CCDC183: variants seen among roughly 807,000 people sequenced by gnomAD.
The protein encoded by CCDC183 is coiled-coil domain-containing protein 183.
A neutral mutation model predicts 65.2 loss-of-function variants in CCDC183; 63 were observed. That is an observed-to-expected ratio of 0.97 (90% CI 0.79 to 1.19). The LOEUF (loss-of-function observed/expected upper bound fraction) is 1.19. Among genes scored for constraint, CCDC183 ranks in the 50% most tolerant of loss-of-function variants. The pLI is 0.00. For synonymous variants in CCDC183, 323 were observed against 276.5 expected (o/e 1.17, Z -1.67); for missense variants, 769 against 689.3 (o/e 1.12, Z -1.30).
rs772813627 is a variant in CCDC183 at position 136,804,675 on chromosome 9, T to G, written c.792+48T>G. The G allele has an allele frequency of 6.2e-7, 1 of 1,612,824 alleles. No individual in the cohort carries two copies. Among genetic ancestry groups the G allele is most frequent in the Non-Finnish European group, 8.5e-7 (1 of 1,179,440 alleles). On this transcript the variant is annotated intron_variant, in intron 7 of 13. Transcript: ENST00000338005. This position sits in a 1 kb window ranked among gnomAD's most constrained non-coding sequence, Gnocchi z 4.1. ...GCTGGCTGCCCATCCCCATGACAGC[T>G]GGGTGGACACAGGCTCAGGGCCACC... is the stretch of plus-strand genomic sequence containing the variant.
In CCDC183 at chr9:136,804,519, G is replaced by A. The variant is rs776874222; in HGVS notation, c.684G>A (p.Arg228=). 6 of 1,613,102 alleles carry A rather than the reference G, an allele frequency of 3.7e-6. No individual in the cohort carries two copies. In the East Asian group the frequency reaches 1.1e-4, roughly 30 times the overall value. The change falls in exon 7 of 14, where the codon AGG becomes AGA. Residue 228 remains arginine, a synonymous_variant. Transcript: ENST00000338005. The surrounding 1 kb of genome is among the most constrained non-coding windows in gnomAD (Gnocchi z 4.1). The part of the protein sequence containing the change: ...TDEVKRNMRQ[R]EASFIEERRA... ...GTCCCCAGAGGAACATGAGGCAAAG[G>A]GAGGCGTCCTTCATCGAGGAGCGCC...
At chr9:136,807,481 C>G in intron 13 of CCDC183, 91 bp from the exon 14 acceptor site, 3 of 1,440,142 alleles carry the variant, frequency 2.1e-6, no homozygotes, top group African/African-American at 1.4e-5. Flanking sequence ...GCACCTGGCC[C>G]GGGTCGGTGG....
At chr9:136,807,224 T>A in intron 13 of CCDC183, 158 bp downstream of exon 13, 1 of 673,104 alleles carries the variant, frequency 1.5e-6, no homozygotes, top group Non-Finnish European at 2.5e-6. Context: ...GGAGGTGACT[T>A]AGTGATGCCA....
chr9:136,805,426 T>C lies in CCDC183; in HGVS notation c.917T>C (p.Val306Ala), dbSNP rs774379290. 81 of 1,613,792 alleles carry C rather than the reference T, an allele frequency of 5.0e-5. No homozygotes were observed. Among genetic ancestry groups the C allele is most frequent in the Non-Finnish European group, 6.4e-5 (76 of 1,179,958 alleles). The change falls in exon 9 of 14, where the codon GTC (valine) becomes GCC (alanine). Residue 306 changes from valine (V) to alanine (A), a missense_variant. Coordinates refer to ENST00000338005, the MANE Select transcript of CCDC183 (RefSeq NM_001039374.5). ...GGCGTGACTGCTGTGGTGGAGAAGGTCAAGAGTGCTGTACGGTGCTCTCAC... is the reference window on the plus strand; with the variant it reads ...GGCGTGACTGCTGTGGTGGAGAAGGCCAAGAGTGCTGTACGGTGCTCTCAC... The part of the protein sequence containing the change: ...QSGVTAVVEK[V>A]KSAVRCSHVW...
At chr9:136,796,682 A>G (rs1399555801) in intron 1 of CCDC183, among the ~76,000 whole-genome samples, 2 of 152,316 alleles carry the variant, frequency 1.3e-5, no homozygotes, top group African/African-American at 2.4e-5. Flanking sequence ...TCACAGAAAC[A>G]TGTGCTGTAT....
At position 136,806,714 on chromosome 9, in the gene CCDC183, G is replaced by C. The variant is rs377524386; in HGVS notation, c.1278+42G>C. The C allele has an allele frequency of 5.6e-6, 9 of 1,613,220 alleles. No homozygotes were observed. In the African/African-American group the frequency reaches 1.1e-4, roughly 19 times the overall value. On this transcript the variant is annotated intron_variant, in intron 11 of 13. Transcript: ENST00000338005. ...TGAGCTGCCACACACCAGGTCCCTG[G>C]GCAGGGCCAGAGGGGAGATGAGACC...
At chr9:136,799,686 T>C (rs751215635) in intron 2 of CCDC183, 27 bp from the exon 3 acceptor site, 1 of 1,607,478 alleles carries the variant, frequency 6.2e-7, no homozygotes, top group Non-Finnish European at 8.5e-7. Context: ...AAGGGCCCGC[T>C]CTAGCTCAGC....
chr9:136,796,906 G>T (rs969502539), intron 1 of CCDC183, among the ~76,000 whole-genome samples: 1 of 152,218 alleles, frequency 6.6e-6, no homozygotes, highest in African/African-American at 2.4e-5. Flanking sequence ...ATATGGCCTC[G>T]TGGGAAAGGA....
intron 8 of CCDC183, chr9:136,805,065 A>G (rs1847818067): frequency 1.7e-6 from 1 of 595,144 alleles, no homozygotes. Context: ...TCTGCAGAGG[A>G]TGAGCATCCT....
In CCDC183 at chr9:136,804,955, C is replaced by T. The variant is rs1320756859; in HGVS notation, c.847+139C>T. The T allele has an allele frequency of 2.8e-6, 2 of 717,136 alleles. No homozygotes were observed. The highest frequency in any genetic ancestry group is 5.4e-5 in the East Asian group (2 of 37,132). The allele number at this position is 717,136 out of a possible 1,614,324, so 44.4% of individuals were successfully genotyped here. ...GGTGAAGGGAAGGACAGGTCCCTGC[C>T]TCTCCCTCCAGAGGCTGAGAGCCTG... On this transcript the variant is annotated intron_variant, in intron 8 of 13. Coordinates refer to ENST00000338005, the MANE Select transcript of CCDC183 (RefSeq NM_001039374.5). This position sits in a 1 kb window ranked among gnomAD's most constrained non-coding sequence, Gnocchi z 4.1.
Position 136,796,373 on chromosome 9 carries a change from T to TCTTAG in CCDC183, c.-24_-23insTTAGC. ...CAGGGAGGCTTTGAGGTACACAGGG[T>TCTTAG]CCCTTGGGGGGCCTGAGAGCAGCCA... On this transcript the variant is annotated 5_prime_UTR_variant, in exon 1 of 14. Transcript: ENST00000338005. 4.6e-6 allele frequency: 7 copies of TCTTAG among 1,525,422 alleles called. No individual in the cohort carries two copies. The highest frequency in any genetic ancestry group is 5.4e-6 in the Non-Finnish European group (6 of 1,115,760). The allele number at this position is 1,525,422 out of a possible 1,614,324, so 94.5% of individuals were successfully genotyped here. A position where few individuals can be genotyped will look rare whatever the true frequency, so the allele number is the denominator to read the frequency against.
chr9:136,805,552 G>T, intron 9 of CCDC183, 95 bp downstream of exon 9: 1 of 1,180,584 alleles, frequency 8.5e-7, no homozygotes. Context: ...CATGGCAGGA[G>T]GGTGGCTGAG....
In CCDC183 at chr9:136,799,223, G is replaced by A; in HGVS notation, c.192G>A (p.Lys64=). Residue 64 remains lysine (K), a splice_region_variant and synonymous_variant, in exon 2 of 14, where the codon AAG becomes AAA. Transcript: ENST00000338005. ...RGAQDWALAK[K]YDQWTISKAC... ...CCCAGGACTGGGCTTTGGCCAAGAAGGTACACAAACGCCGCCCCTCCCCTC... is the reference window on the plus strand; with the variant it reads ...CCCAGGACTGGGCTTTGGCCAAGAAAGTACACAAACGCCGCCCCTCCCCTC... The A allele has an allele frequency of 6.3e-7, 1 of 1,599,028 alleles. No individual in the cohort carries two copies. The highest frequency in any genetic ancestry group is 1.1e-5 in the South Asian group (1 of 89,236).
chr9:136,800,068 C>A lies in CCDC183; in HGVS notation c.337C>A (p.Leu113Met). 2 of 1,581,780 alleles carry A rather than the reference C, an allele frequency of 1.3e-6. No individual in the cohort carries two copies. Among genetic ancestry groups the A allele is most frequent in the East Asian group, 2.3e-5 (1 of 43,484 alleles). The change falls in exon 4 of 14, where the codon CTG becomes ATG. Residue 113 changes from leucine to methionine, a missense_variant. Physicochemically the swap from Leu to Met is conservative, Grantham distance 15. Coordinates refer to ENST00000338005, the MANE Select transcript of CCDC183 (RefSeq NM_001039374.5). ...GAACATGCACAACCTACTGATCCAC[C>A]TGGTGCGGCGGCGCGGGCAGAAGCT... is the stretch of plus-strand genomic sequence containing the variant. The part of the protein sequence containing the change: ...RVNMHNLLIH[L>M]VRRRGQKLES...
rs367971685 is a variant in CCDC183 at position 136,804,787 on chromosome 9, C to G, written c.818C>G (p.Ser273Trp). The G allele has an allele frequency of 1.2e-6, 2 of 1,613,854 alleles. No homozygotes were observed. Among genetic ancestry groups the G allele is most frequent in the Admixed American group, 1.7e-5 (1 of 60,008 alleles). The change falls in exon 8 of 14, where the codon TCG becomes TGG. Residue 273 changes from serine to tryptophan, a missense_variant. Ser to Trp is a radical substitution (Grantham distance 177). Coordinates refer to ENST00000338005, the MANE Select transcript of CCDC183 (RefSeq NM_001039374.5). The surrounding 1 kb of genome is among the most constrained non-coding windows in gnomAD (Gnocchi z 4.1). ...RRGQMDLDFP[S>W]NLMSTETLKL... ...GGCCAGATGGACTTGGACTTCCCCTCGAACCTGATGAGCACGGAGACCCTG... is the reference window on the plus strand; with the variant it reads ...GGCCAGATGGACTTGGACTTCCCCTGGAACCTGATGAGCACGGAGACCCTG...
At chr9:136,802,102 C>CA (rs994542736) in intron 5 of CCDC183, among the ~76,000 whole-genome samples, 2 of 152,222 alleles carry the variant, frequency 1.3e-5, no homozygotes, top group South Asian at 2.1e-4. Flanking sequence ...CTTGTAGTTA[C>CA]AAAAAACAAA....
intron 5 of CCDC183, chr9:136,800,882 C>A (rs920794683): frequency 1.4e-4 from 31 of 217,862 alleles, no homozygotes; most frequent in African/African-American, 6.9e-4. Flanking sequence ...CCAGCCCACC[C>A]GCCCTGCTCC....
At position 136,799,939 on chromosome 9, in the gene CCDC183, G is replaced by T. The variant is rs565205748; in HGVS notation, c.271-63G>T. ...GCCACGAGCCTCCACCCGCCCGCCT[G>T]CTGGCGGGCTCCATGGCGGCCCCCT... On this transcript the variant is annotated intron_variant, in intron 3 of 13. Transcript: ENST00000338005. 4 of 1,540,388 alleles carry T rather than the reference G, an allele frequency of 2.6e-6. No individual in the cohort carries two copies. In the African/African-American group the frequency reaches 5.5e-5, roughly 21 times the overall value.
chr9:136,797,970 G>A (rs535713664), intron 1 of CCDC183, among the ~76,000 whole-genome samples: 3 of 151,542 alleles, frequency 2.0e-5, no homozygotes, highest in South Asian at 2.1e-4. Context: ...TCAGGTGTAC[G>A]CCACCACACT....
Sources: gnomAD v4.1 joint callset for allele counts (sites outside exome capture counted in the v4.1 genomes callset) on GRCh38, gnomAD v4.1.1 for gene constraint, Gnocchi (gnomAD v3.1) non-coding constraint, MANE v1.5 for transcripts, NCBI Gene and HGNC (gene_info 2026-07-23, HGNC 2026-07-21) for gene names.